MBD5: variants seen among roughly 807,000 people sequenced by gnomAD.
The protein encoded by MBD5 is methyl-CpG-binding domain protein 5.
Under a neutral mutation model 117.3 loss-of-function variants are expected in MBD5, and 13 were observed. The observed-to-expected ratio is 0.11, with a 90% CI of 0.07 to 0.18. The LOEUF is 0.18. MBD5 is among the 10% of genes least tolerant of loss of function. MBD5 has a pLI of 1.00. For missense variants in MBD5, 1,879 were observed against 2,093.8 expected, an observed-to-expected ratio of 0.90 and a Z score of 2.00; for synonymous variants, 727 against 766.4, an observed-to-expected ratio of 0.95 and a Z score of 0.85.
rs757856356 is a variant in MBD5, at chr2:148,180,343, C to CAGATATATATATATATATATATATATAT, written c.-831+1551_-831+1552insGATATATATATATATATATATATATATA. Among the ~76,000 whole-genome samples the CAGATATATATATATATATATATATATAT allele has an allele frequency of 8.6e-4, 91 of 105,536 alleles. 2 individuals carry two copies. The highest frequency in any genetic ancestry group is 2.9e-3 in the African/African-American group (81 of 27,962). The allele number at this position is 105,536 out of a possible 152,430, so 69.2% of individuals were successfully genotyped here. A position where few individuals can be genotyped will look rare whatever the true frequency, so the allele number is the denominator to read the frequency against. ...ATCCTTCTAGTAAAAAAAAATTATACATATATATATATATATATGTATATA... is the reference window on the plus strand; with the variant it reads ...ATCCTTCTAGTAAAAAAAAATTATACAGATATATATATATATATATATATATATATATATATATATATATATGTATATA... On this transcript the variant is annotated intron_variant, in intron 2 of 13. Coordinates refer to ENST00000642680, the MANE Select transcript of MBD5 (RefSeq NM_001378120.1).
chr2:148,411,957 G>A (rs1705266212), intron 4 of MBD5, among the ~76,000 whole-genome samples: 1 of 151,994 alleles, frequency 6.6e-6, no homozygotes, highest in Non-Finnish European at 1.5e-5. Flanking sequence ...AAGGTTATTG[G>A]TTATCTTCCA....
chr2:148,037,071 T>A (rs1558896965), intron 1 of MBD5, among the ~76,000 whole-genome samples: 1 of 152,028 alleles, frequency 6.6e-6, no homozygotes, highest in Non-Finnish European at 1.5e-5. Flanking sequence ...CGTAGGGTTT[T>A]TATGTAAAGG....
At position 148,430,599 on chromosome 2, in the gene MBD5, C is replaced by T. The variant is rs917501899; in HGVS notation, c.-556-27604C>T. Among the ~76,000 whole-genome samples the T allele has an allele frequency of 2.6e-5, 4 of 152,064 alleles. No homozygotes were observed. The South Asian group carries it at 8.3e-4, about 31-fold the overall frequency. On this transcript the variant is annotated intron_variant, in intron 4 of 13. Coordinates refer to ENST00000642680, the MANE Select transcript of MBD5 (RefSeq NM_001378120.1). ...GCAGACTGTCTATTAATCAACTTCTCATTGTAATTCTATCATTTACAAATG... is the reference window on the plus strand; with the variant it reads ...GCAGACTGTCTATTAATCAACTTCTTATTGTAATTCTATCATTTACAAATG...
intron 4 of MBD5, among the ~76,000 whole-genome samples, chr2:148,419,668 T>G (rs1424569948): frequency 6.6e-6 from 1 of 152,156 alleles, no homozygotes; most frequent in East Asian, 1.9e-4. Context: ...AAGTATATTT[T>G]ACTATTTGGT....
chr2:148,348,161 G>A (rs1398693439), intron 4 of MBD5, among the ~76,000 whole-genome samples: 1 of 152,016 alleles, frequency 6.6e-6, no homozygotes, highest in Non-Finnish European at 1.5e-5. Context: ...AGACCCTGAA[G>A]GACTGATCAT....
At chr2:148,033,937 C>G (rs1694114201) in intron 1 of MBD5, among the ~76,000 whole-genome samples, 1 of 152,196 alleles carries the variant, frequency 6.6e-6, no homozygotes, top group African/African-American at 2.4e-5. Flanking sequence ...CATGCAATAT[C>G]TAGCAGGCTA....
At chr2:148,454,624 C>G (rs1012320630) in intron 4 of MBD5, among the ~76,000 whole-genome samples, 2 of 151,936 alleles carry the variant, frequency 1.3e-5, no homozygotes, top group African/African-American at 4.8e-5. Context: ...CTGGTTGCCT[C>G]TGGGGTGGAA....
intron 2 of MBD5, among the ~76,000 whole-genome samples, chr2:148,197,818 GT>G (rs11389519): frequency 2.7e-4 from 28 of 103,552 alleles, no homozygotes; most frequent in Non-Finnish European, 3.7e-4. Context: ...TTTTTTTTTT[GT>G]TTTTTTTTTT....
chr2:148,301,481 G>A (rs1392401659), intron 3 of MBD5, among the ~76,000 whole-genome samples: 4 of 152,162 alleles, frequency 2.6e-5, no homozygotes, highest in Non-Finnish European at 5.9e-5. Flanking sequence ...GCAAATTTTA[G>A]AGCAGGAGTG....
At chr2:148,178,916 T>C (rs1484192522) in intron 2 of MBD5, 123 bp downstream of exon 2, 8 of 391,786 alleles carry the variant, frequency 2.0e-5, no homozygotes, top group Non-Finnish European at 3.2e-5. Context: ...ACCTCACAAC[T>C]GCATTCATTC....
At chr2:148,431,151 CCT>C (rs910018228) in intron 4 of MBD5, among the ~76,000 whole-genome samples, 8 of 151,994 alleles carry the variant, frequency 5.3e-5, no homozygotes, top group African/African-American at 1.9e-4. Flanking sequence ...CTAAAATTCT[CCT>C]CTCTCTCATT....
chr2:148,329,637 G>T (rs1315656648), intron 3 of MBD5, among the ~76,000 whole-genome samples: 1 of 152,120 alleles, frequency 6.6e-6, no homozygotes, highest in African/African-American at 2.4e-5. Flanking sequence ...ATAGAGATTT[G>T]AGGGATACTA....
chr2:148,381,586 C>A (rs1231364695), intron 4 of MBD5, among the ~76,000 whole-genome samples: 1 of 152,126 alleles, frequency 6.6e-6, no homozygotes, highest in African/African-American at 2.4e-5. Context: ...GGCCAACATT[C>A]AAATTCAGGA....
chr2:148,258,190 G>A (rs939412450), intron 3 of MBD5, among the ~76,000 whole-genome samples: 12 of 152,098 alleles, frequency 7.9e-5, no homozygotes, highest in Admixed American at 1.3e-4. Context: ...ACATGCACTC[G>A]GAGTCTGAAT....
intron 4 of MBD5, among the ~76,000 whole-genome samples, chr2:148,361,951 C>T (rs1467537947): frequency 1.3e-5 from 2 of 152,202 alleles, no homozygotes; most frequent in South Asian, 2.1e-4. Context: ...ACAGTGCACT[C>T]GGGCCCAGAT....
At chr2:148,358,370 C>T (rs7592019) in intron 4 of MBD5, among the ~76,000 whole-genome samples, 112,623 of 152,064 alleles carry the variant, frequency 0.74, 42,468 homozygotes, top group African/African-American at 0.89. Context: ...TAAAATAATA[C>T]AGGAGGGATA....
intron 3 of MBD5, among the ~76,000 whole-genome samples, chr2:148,261,421 C>T (rs1176975957): frequency 1.3e-5 from 2 of 152,212 alleles, no homozygotes; most frequent in South Asian, 2.1e-4. Flanking sequence ...TGCTTCACTT[C>T]GCACTTTTGT....
rs111722958 is a variant in MBD5 at position 148,462,732 on chromosome 2, T to A, written c.216+48T>A. The A allele has an allele frequency of 1.4e-4, 166 of 1,229,110 alleles. No individual in the cohort carries two copies. The African/African-American group carries it at 2.3e-3, about 17-fold the overall frequency. The allele number at this position is 1,229,110 out of a possible 1,614,324, so 76.1% of individuals were successfully genotyped here. A position where few individuals can be genotyped will look rare whatever the true frequency, so the allele number is the denominator to read the frequency against. Reference sequence around the variant, plus strand: ...ACAGCAGTGTTTTATTTTTTAGGTATTTTGTATATTTGTTTTTCTCATTTG... The same window carrying A: ...ACAGCAGTGTTTTATTTTTTAGGTAATTTGTATATTTGTTTTTCTCATTTG... On this transcript the variant is annotated intron_variant, in intron 6 of 13. Coordinates refer to ENST00000642680, the MANE Select transcript of MBD5 (RefSeq NM_001378120.1).
chr2:148,038,485 C>A (rs1694257990), intron 1 of MBD5, among the ~76,000 whole-genome samples: 1 of 142,886 alleles, frequency 7.0e-6, no homozygotes, highest in Non-Finnish European at 1.5e-5. Flanking sequence ...CTTTAATTAC[C>A]TTGAATTTAA....
Sources: allele counts gnomAD v4.1 joint callset (sites outside exome capture counted in the v4.1 genomes callset), GRCh38; gene constraint gnomAD v4.1.1; transcripts MANE v1.5; gene names NCBI Gene and HGNC (gene_info 2026-07-23, HGNC 2026-07-21).